Variants in ANK1 observed in about 807,000 individuals in gnomAD.
ANK1 encodes ankyrin-1.
Under a neutral mutation model 210.4 loss-of-function variants are expected in ANK1, and 51 were observed. The ratio of observed to expected loss-of-function variants is 0.24; its 90% CI spans 0.19 to 0.31. ANK1 has a LOEUF of 0.31. Among genes scored for constraint, ANK1 ranks in the 10% least tolerant of loss-of-function variants. The pLI is 1.00. For synonymous variants in ANK1, 967 were observed against 1,025.9 expected (o/e 0.94, Z 1.10); for missense variants, 2,051 against 2,504.4 (o/e 0.82, Z 3.86).
intron 2 of ANK1, among the ~76,000 whole-genome samples, chr8:41,737,349 A>G (rs1304095102): frequency 6.6e-6 from 1 of 152,206 alleles, no homozygotes; most frequent in Non-Finnish European, 1.5e-5. Context: ...TTTTTATCAG[A>G]TGATGAAAGC....
intron 1 of ANK1, among the ~76,000 whole-genome samples, chr8:41,860,217 C>A (rs1813016130): frequency 6.6e-6 from 1 of 152,196 alleles, no homozygotes; most frequent in Non-Finnish European, 1.5e-5. Flanking sequence ...TCATTAAAAT[C>A]TGCAGGCTAA....
At chr8:41,753,281 G>A (rs1373358618) in intron 2 of ANK1, among the ~76,000 whole-genome samples, 3 of 151,958 alleles carry the variant, frequency 2.0e-5, no homozygotes, top group Admixed American at 6.6e-5. Flanking sequence ...GGCCAGGCTG[G>A]TCTCGAACAC....
chr8:41,793,369 G>A (rs762226450), intron 1 of ANK1, among the ~76,000 whole-genome samples: 1 of 152,160 alleles, frequency 6.6e-6, no homozygotes, highest in African/African-American at 2.4e-5. Flanking sequence ...AATACAGTGA[G>A]ACCCTGTCTC....
chr8:41,893,033 C>A (rs901001041), intron 1 of ANK1, among the ~76,000 whole-genome samples: 1 of 152,142 alleles, frequency 6.6e-6, no homozygotes, highest in Non-Finnish European at 1.5e-5. Flanking sequence ...AAGGCGTCAG[C>A]GCTCCTCTCC....
intron 39 of ANK1, chr8:41,665,280 G>A (rs914924189): frequency 1.4e-5 from 21 of 1,483,766 alleles, no homozygotes; most frequent in Middle Eastern, 1.7e-4. Flanking sequence ...TGAGTGGCCC[G>A]GGTGACATCA....
intron 40 of ANK1, among the ~76,000 whole-genome samples, chr8:41,662,276 G>T (rs377690524): frequency 1.3e-5 from 2 of 152,010 alleles, no homozygotes; most frequent in Non-Finnish European, 1.5e-5. Flanking sequence ...AAGGCGGGGG[G>T]GCTGGTCAAG....
At chr8:41,884,600 C>T (rs1430326444) in intron 1 of ANK1, among the ~76,000 whole-genome samples, 1 of 151,916 alleles carries the variant, frequency 6.6e-6, no homozygotes. Context: ...TTTCAGAGTC[C>T]GAGGCAGGAG....
intron 1 of ANK1, among the ~76,000 whole-genome samples, chr8:41,791,447 CT>C (rs76900426): frequency 0.022 from 3,133 of 142,206 alleles, 28 homozygotes; most frequent in East Asian, 0.03. Context: ...CTCTTTCTTT[CT>C]TTTTTTTTTT....
chr8:41,669,417 C>T (rs1235124641), intron 38 of ANK1, among the ~76,000 whole-genome samples: 3 of 152,102 alleles, frequency 2.0e-5, no homozygotes, highest in Non-Finnish European at 4.4e-5. Context: ...CTGCCTCAGC[C>T]ACTTGAGTAG....
intron 1 of ANK1, among the ~76,000 whole-genome samples, chr8:41,892,647 C>T (rs1819678691): frequency 1.3e-5 from 2 of 152,184 alleles, no homozygotes; most frequent in Admixed American, 6.5e-5. Context: ...ATCTCTATTG[C>T]TTTGCAAATG....
In ANK1 at chr8:41,690,265, G is replaced by T; in HGVS notation, c.4066C>A (p.Leu1356Ile). ...GGCATGGTGATGTTCAGGTGGCAGA[G>T]AATGTGCTGGGTGTCCTCGTACTTC... ...AMKYEDTQHI[L>I]CHLNITMPPC... The change falls in exon 33 of 43, where the codon CTC becomes ATC. Residue 1356 changes from leucine to isoleucine, a missense_variant. Around this residue, in one of 6 missense-constraint regions of ANK1, gnomAD observed 1,413 missense variants for 1,707.4 expected, o/e 0.83. Coordinates refer to ENST00000289734, the MANE Select transcript of ANK1 (RefSeq NM_000037.4). The T allele has an allele frequency of 6.2e-7, 1 of 1,614,246 alleles. No individual in the cohort carries two copies. Among genetic ancestry groups the T allele is most frequent in the Non-Finnish European group, 8.5e-7 (1 of 1,180,054 alleles).
chr8:41,864,163 T>C (rs894585309), intron 1 of ANK1, among the ~76,000 whole-genome samples: 1 of 146,382 alleles, frequency 6.8e-6, no homozygotes. Context: ...GGCAGAAGAA[T>C]GGCATGAACC....
At position 41,701,597 on chromosome 8, in the gene ANK1, C is replaced by T; in HGVS notation, c.2414G>A (p.Ser805Asn). ...FVLVSDKHRMSFPETVDEILD... is the reference protein window; with the variant it reads ...FVLVSDKHRMNFPETVDEILD... ...GATCTCATCAACTGTCTCAGGGAAA[C>T]TCATTCGATGCTTATCACTGACTAA... The change falls in exon 22 of 43, where the codon AGT becomes AAT. Residue 805 changes from serine (S) to asparagine (N), a missense_variant. Transcript: ENST00000289734. 1 of 1,614,190 alleles carries T rather than the reference C, an allele frequency of 6.2e-7. No homozygotes were observed. Among genetic ancestry groups the T allele is most frequent in the Non-Finnish European group, 8.5e-7 (1 of 1,180,028 alleles).
At chr8:41,720,171 T>C (rs1319677063) in intron 9 of ANK1, among the ~76,000 whole-genome samples, 1 of 152,234 alleles carries the variant, frequency 6.6e-6, no homozygotes, top group Admixed American at 6.5e-5. Flanking sequence ...TTCTCATATT[T>C]GCCCAATTAT....
chr8:41,690,673 C>CCT, intron 31 of ANK1, 74 bp from the exon 32 acceptor site: 1 of 1,562,770 alleles, frequency 6.4e-7, no homozygotes, highest in Non-Finnish European at 8.7e-7. Flanking sequence ...CACCTTCGGT[C>CCT]CTTCCCTCTC....
At position 41,876,138 on chromosome 8, in the gene ANK1, G is replaced by A. The variant is rs534270185; in HGVS notation, c.126+20217C>T. 2.0e-4 allele frequency among the ~76,000 whole-genome samples: 30 copies of A among 152,194 alleles called. 1 individual carries two copies. In the East Asian group the frequency reaches 5.6e-3, roughly 28 times the overall value. On this transcript the variant is annotated intron_variant, in intron 1 of 42. Coordinates refer to the ANK1 transcript ENST00000265709. Reference sequence around the variant, plus strand: ...TCCTTGTCCTAGAGCTCGGAGCGGCGGCCGCCCTCCCTCGCTGGGCTCCCG... The same window carrying A: ...TCCTTGTCCTAGAGCTCGGAGCGGCAGCCGCCCTCCCTCGCTGGGCTCCCG...
chr8:41,749,147 C>A (rs1837005450), intron 2 of ANK1, among the ~76,000 whole-genome samples: 1 of 152,176 alleles, frequency 6.6e-6, no homozygotes, highest in Non-Finnish European at 1.5e-5. Flanking sequence ...CAAGCTGGAC[C>A]TTTTACCTGC....
intron 1 of ANK1, among the ~76,000 whole-genome samples, chr8:41,855,319 T>C (rs915126321): frequency 1.3e-5 from 2 of 152,220 alleles, no homozygotes; most frequent in Admixed American, 1.3e-4. Context: ...CTCATCCACT[T>C]TCCATTTTTC....
intron 1 of ANK1, among the ~76,000 whole-genome samples, chr8:41,795,961 C>A (rs942659150): frequency 6.6e-6 from 1 of 152,172 alleles, no homozygotes; most frequent in African/African-American, 2.4e-5. Flanking sequence ...TCTATGGACA[C>A]CCCAAATACC....
Sources: gnomAD v4.1 joint callset for allele counts (sites outside exome capture counted in the v4.1 genomes callset) on GRCh38, gnomAD v4.1.1 for gene constraint, gnomAD v4.1.1 regional missense constraint, MANE v1.5 for transcripts, NCBI Gene and HGNC (gene_info 2026-07-23, HGNC 2026-07-21) for gene names.